STAT6: variants seen among roughly 807,000 people sequenced by gnomAD.
The protein encoded by STAT6 is signal transducer and activator of transcription 6.
Under a neutral mutation model 106.3 loss-of-function variants are expected in STAT6, and 45 were observed. The observed-to-expected ratio is 0.42, with a 90% CI of 0.33 to 0.54. The LOEUF is 0.54. STAT6 is among the 20% of genes least tolerant of loss of function. The probability of loss-of-function intolerance (pLI) is 0.06; values close to 1 mark genes in which losing one functional copy is unlikely to be tolerated. For synonymous variants in STAT6, 413 were observed against 413.6 expected, an observed-to-expected ratio of 1.00 and a Z score of 0.02; for missense variants, 797 against 1,062.2, an observed-to-expected ratio of 0.75 and a Z score of 3.47.
chr12:57,104,383 G>T, intron 11 of STAT6, 81 bp downstream of exon 11: 2 of 1,533,222 alleles, frequency 1.3e-6, no homozygotes, highest in Non-Finnish European at 1.8e-6. Context: ...GTCACAAGAG[G>T]TGAGGGTCCA....
At chr12:57,106,986 T>C (rs2136613476) in intron 4 of STAT6, among the ~76,000 whole-genome samples, 155 bp from the exon 5 acceptor site, 1 of 152,328 alleles carries the variant, frequency 6.6e-6, no homozygotes, top group East Asian at 1.9e-4. Flanking sequence ...GATAAGACCT[T>C]GCTCCTAGCA....
intron 19 of STAT6, 33 bp from the exon 20 acceptor site, chr12:57,097,166 C>T: frequency 6.7e-7 from 1 of 1,493,370 alleles, no homozygotes; most frequent in Non-Finnish European, 8.9e-7. Flanking sequence ...TAGAGGAAGG[C>T]AGGCTAGGCA....
chr12:57,107,754 A>G lies in STAT6; in HGVS notation c.117-11T>C. On this transcript the variant is annotated splice_polypyrimidine_tract_variant and intron_variant, in intron 2 of 21. Coordinates refer to ENST00000300134, the MANE Select transcript of STAT6 (RefSeq NM_003153.5). ...CCGACCAGGAACTCCCTGCAGGAAG[A>G]TCAGGATGAGGCTACCTCAGGCCAG... 6.2e-7 allele frequency: 1 copy of G among 1,613,872 alleles called. No homozygotes were observed. Among genetic ancestry groups the G allele is most frequent in the Non-Finnish European group, 8.5e-7 (1 of 1,180,020 alleles).
In STAT6 at chr12:57,104,708, C is replaced by A. The variant is rs760375047; in HGVS notation, c.1089+18G>T. The A allele has an allele frequency of 6.2e-7, 1 of 1,614,096 alleles. No individual in the cohort carries two copies. The highest frequency in any genetic ancestry group is 8.5e-7 in the Non-Finnish European group (1 of 1,179,978). ...TCTCCTAGTGGTGCCCCCCTCACTG[C>A]ACCCCAAAGCCCCTCACCAGGTTCT... On this transcript the variant is annotated intron_variant, in intron 10 of 21. Coordinates refer to ENST00000300134, the MANE Select transcript of STAT6 (RefSeq NM_003153.5).
At chr12:57,108,764 A>G (rs2034424465) in intron 1 of STAT6, among the ~76,000 whole-genome samples, 1 of 152,246 alleles carries the variant, frequency 6.6e-6, no homozygotes, top group African/African-American at 2.4e-5. Context: ...AAAAGGTACG[A>G]AACCGAAGAT....
chr12:57,098,630 C>T (rs1432426935), intron 18 of STAT6, 33 bp from the exon 19 acceptor site: 8 of 1,605,466 alleles, frequency 5.0e-6, no homozygotes, highest in Non-Finnish European at 6.0e-6. Flanking sequence ...CTGATGCCAG[C>T]CCTTCTCCTG....
At position 57,100,075 on chromosome 12, in the gene STAT6, G is replaced by A. The variant is rs1440036653; in HGVS notation, c.1528C>T (p.Arg510Cys). The change falls in exon 14 of 22, where the codon CGT (arginine) becomes TGT (cysteine). Residue 510 changes from arginine to cysteine, a missense_variant. Arg to Cys is a radical substitution (Grantham distance 180, BLOSUM62 -3). This residue lies in a region of STAT6 where 222 missense variants were observed against 354.6 expected (regional missense o/e 0.63). Transcript: ENST00000300134. ...AACCACTGCCAAAAGGTGAAGCCAC[G>A]GCCCAGCAGGATCTCCTAGGGGGAG... is the stretch of plus-strand genomic sequence containing the variant. ...SQFNKEILLGRGFTFWQWFDG... is the reference protein window; with the variant it reads ...SQFNKEILLGCGFTFWQWFDG... 3 of 1,603,884 alleles carry A rather than the reference G, an allele frequency of 1.9e-6. No homozygotes were observed. The highest frequency in any genetic ancestry group is 1.7e-6 in the Non-Finnish European group (2 of 1,175,104).
chr12:57,105,456 C>T lies in STAT6; in HGVS notation c.812+12G>A. 1 of 1,613,892 alleles carries T rather than the reference C, an allele frequency of 6.2e-7. No individual in the cohort carries two copies. The stretch of plus-strand genomic sequence containing the variant: ...TCTGTTCTAGGCCAGACTGGGAGCT[C>T]CCGGGGAATACCTGGTGACGAGGGT... On this transcript the variant is annotated intron_variant, in intron 8 of 21. Coordinates refer to ENST00000300134, the MANE Select transcript of STAT6 (RefSeq NM_003153.5).
chr12:57,099,112 C>T lies in STAT6; in HGVS notation c.1892-34G>A. On this transcript the variant is annotated intron_variant, in intron 16 of 21. Coordinates refer to ENST00000300134, the MANE Select transcript of STAT6 (RefSeq NM_003153.5). This position sits in a 1 kb window ranked among gnomAD's most constrained non-coding sequence, Gnocchi z 4.7. ...AGAAGGAAAAGACAGCCATGGAGTG[C>T]TCTGGGGTTAGGGAGGAAGGGAGGT... 6.2e-7 allele frequency: 1 copy of T among 1,613,446 alleles called. No individual in the cohort carries two copies. Among genetic ancestry groups the T allele is most frequent in the East Asian group, 2.2e-5 (1 of 44,882 alleles).
chr12:57,096,304 A>C lies in STAT6; in HGVS notation c.*268T>G. ...GCGTGCGTGTGCGCGCTGCAGGTGC[A>C]GGCATGTTGGGGTGTGTCTCAGAGC... On this transcript the variant is annotated 3_prime_UTR_variant, in exon 22 of 22. Transcript: ENST00000300134. 1 of 461,008 alleles carries C rather than the reference A, an allele frequency of 2.2e-6. No individual in the cohort carries two copies. Among genetic ancestry groups the C allele is most frequent in the African/African-American group, 2.0e-5 (1 of 49,700 alleles). 28.6% of individuals were successfully genotyped at this position (461,008 alleles called of 1,614,324 possible).
chr12:57,101,439 T>C (rs1385882272), intron 13 of STAT6, among the ~76,000 whole-genome samples: 1 of 149,588 alleles, frequency 6.7e-6, no homozygotes, highest in Non-Finnish European at 1.5e-5. Context: ...AGTGCAATGG[T>C]TTCATCTTCC....
intron 7 of STAT6, 146 bp downstream of exon 7, chr12:57,106,045 A>G (rs1389262808): frequency 7.2e-7 from 1 of 1,383,534 alleles, no homozygotes; most frequent in Non-Finnish European, 9.7e-7. Flanking sequence ...GACAGTGTGC[A>G]CAGCCCCGCT....
Position 57,096,891 on chromosome 12 carries a change from G to A in STAT6, c.2313C>T (p.Ser771=). Residue 771 remains serine, a synonymous_variant, in exon 21 of 22, where the codon AGC becomes AGT. Transcript: ENST00000300134. ...ACGCTGTCACTGGCTGGCTCAGGCA[G>A]CTGTCTTCCACCATGGTCACATCTG... ...LCSDVTMVED[S]CLSQPVTAFP... is the part of the protein sequence containing the mutation. 6.8e-6 allele frequency: 11 copies of A among 1,614,178 alleles called. No individual in the cohort carries two copies. The highest frequency in any genetic ancestry group is 7.6e-6 in the Non-Finnish European group (9 of 1,180,050).
chr12:57,110,672 C>T (rs1425488589), intron 1 of STAT6: 1 of 152,190 alleles, frequency 6.6e-6, no homozygotes, highest in African/African-American at 2.4e-5. Flanking sequence ...AATTCCCCCT[C>T]GTCTGGGCCA....
In STAT6 at chr12:57,105,448, T is replaced by C; in HGVS notation, c.812+20A>G. The C allele has an allele frequency of 6.2e-7, 1 of 1,613,852 alleles. No individual in the cohort carries two copies. The highest frequency in any genetic ancestry group is 8.5e-7 in the Non-Finnish European group (1 of 1,179,872). ...TCCCGAGGTCTGTTCTAGGCCAGAC[T>C]GGGAGCTCCCGGGGAATACCTGGTG... On this transcript the variant is annotated intron_variant, in intron 8 of 21. Coordinates refer to ENST00000300134, the MANE Select transcript of STAT6 (RefSeq NM_003153.5).
Position 57,102,565 on chromosome 12 carries a change from C to T in STAT6, c.1306-69G>A, listed in dbSNP as rs1356105710. On this transcript the variant is annotated intron_variant, in intron 12 of 21. Coordinates refer to ENST00000300134, the MANE Select transcript of STAT6 (RefSeq NM_003153.5). Reference sequence around the variant, plus strand: ...TGTTATTCCTCGGGCCGGCCTTCATCCCTCCCACCTGCCTGTGGCCTACCC... The same window carrying T: ...TGTTATTCCTCGGGCCGGCCTTCATTCCTCCCACCTGCCTGTGGCCTACCC... 4.0e-6 allele frequency: 6 copies of T among 1,517,322 alleles called. No individual in the cohort carries two copies. The Admixed American group carries it at 7.6e-5, about 19-fold the overall frequency. 94.0% of individuals were successfully genotyped at this position (1,517,322 alleles called of 1,614,324 possible). A position where few individuals can be genotyped will look rare whatever the true frequency, so the allele number is the denominator to read the frequency against.
chr12:57,105,527 G>A lies in STAT6; in HGVS notation c.753C>T (p.Pro251=), dbSNP rs1247982808. 1.9e-6 allele frequency: 3 copies of A among 1,614,034 alleles called. No homozygotes were observed. Among genetic ancestry groups the A allele is most frequent in the Non-Finnish European group, 2.5e-6 (3 of 1,179,978 alleles). ...EVGAAGGELE[P]KTRASLTGRL... ...GGCCAGTCAGCGATGCCCGGGTCTT[G>A]GGCTCAAGCTCCCCACCAGCCGCCC... Residue 251 remains proline (P), a synonymous_variant, in exon 8 of 22, where the codon CCC becomes CCT. Transcript: ENST00000300134.
chr12:57,107,349 C>A (rs535315162), intron 3 of STAT6, 35 bp from the exon 4 acceptor site: 2 of 1,590,844 alleles, frequency 1.3e-6, no homozygotes, highest in South Asian at 1.1e-5. Context: ...GTGAGCTTTG[C>A]TCTTACCCAT....
intron 7 of STAT6, 103 bp downstream of exon 7, chr12:57,106,088 A>C: frequency 6.4e-7 from 1 of 1,560,898 alleles, no homozygotes; most frequent in Non-Finnish European, 8.7e-7. Flanking sequence ...GGTCCACTCC[A>C]AGGCCCTCCC....
Sources: allele counts gnomAD v4.1 joint callset (sites outside exome capture counted in the v4.1 genomes callset), GRCh38; gene constraint gnomAD v4.1.1; regional missense constraint gnomAD v4.1.1; non-coding constraint Gnocchi (gnomAD v3.1); transcripts MANE v1.5; gene names NCBI Gene and HGNC (gene_info 2026-07-23, HGNC 2026-07-21).